The following GRK7 variants were observed in gnomAD, a reference collection of about 807,000 sequenced individuals.
GRK7 encodes G protein-coupled receptor kinase 7.
GRK7 carries 24 observed loss-of-function variants against 34.1 expected under a neutral mutation model. That is an observed-to-expected ratio of 0.70 (90% CI 0.51 to 0.99). The LOEUF is 0.99. GRK7 is among the 50% of genes least tolerant of loss of function. The pLI, the probability that GRK7 is intolerant of heterozygous loss-of-function variation, is 0.00. For synonymous variants in GRK7, 256 were observed against 279.4 expected, an observed-to-expected ratio of 0.92 and a Z score of 0.84; for missense variants, 644 against 707.3, an observed-to-expected ratio of 0.91 and a Z score of 1.02.
At chr3:141,785,057 T>G (rs1461150032) in intron 4 of GRK7, among the ~76,000 whole-genome samples, 1 of 152,200 alleles carries the variant, frequency 6.6e-6, no homozygotes, top group Non-Finnish European at 1.5e-5. Flanking sequence ...TATAAAATAC[T>G]TTCCTTATAA....
intron 2 of GRK7, among the ~76,000 whole-genome samples, chr3:141,775,857 T>C (rs2084636421): frequency 6.6e-6 from 1 of 152,200 alleles, no homozygotes; most frequent in Non-Finnish European, 1.5e-5. Context: ...CTTCATATTT[T>C]CTACTGGGCA....
chr3:141,753,502 C>T, the GRK7 span, among the ~76,000 whole-genome samples: 1 of 152,154 alleles, frequency 6.6e-6, no homozygotes, highest in Non-Finnish European at 1.5e-5. Flanking sequence ...ATAAGGAGCG[C>T]CCAACCTAGA....
chr3:141,754,664 T>C, the GRK7 span, among the ~76,000 whole-genome samples: 1 of 152,116 alleles, frequency 6.6e-6, no homozygotes, highest in African/African-American at 2.4e-5. Flanking sequence ...GATGAAGCTT[T>C]TGGTTTTCCA....
chr3:141,784,265 G>C (rs1241396849), intron 4 of GRK7, among the ~76,000 whole-genome samples: 1 of 152,202 alleles, frequency 6.6e-6, no homozygotes, highest in African/African-American at 2.4e-5. Context: ...CCGCTACCAG[G>C]AACGTACTTA....
chr3:141,817,190 G>A lies in GRK7; in HGVS notation c.*140G>A. ...ACAAAACAATTCAAAAGACAGGCAAGCTCACTACTAGAACACATTTTATTT... is the reference window on the plus strand; with the variant it reads ...ACAAAACAATTCAAAAGACAGGCAAACTCACTACTAGAACACATTTTATTT... On this transcript the variant is annotated 3_prime_UTR_variant, in exon 6 of 6. Coordinates refer to ENST00000682958, the MANE Select transcript of GRK7 (RefSeq NM_139209.3). 1 of 614,728 alleles carries A rather than the reference G, an allele frequency of 1.6e-6. No individual in the cohort carries two copies. The highest frequency in any genetic ancestry group is 2.8e-6 in the Non-Finnish European group (1 of 358,582). 38.1% of individuals were successfully genotyped at this position (614,728 alleles called of 1,614,324 possible). A position where few individuals can be genotyped will look rare whatever the true frequency, so the allele number is the denominator to read the frequency against.
chr3:141,785,783 TTTAAAC>T (rs57449127), intron 4 of GRK7, among the ~76,000 whole-genome samples: 10,042 of 150,398 alleles, frequency 0.067, 1,119 homozygotes, highest in African/African-American at 0.23. Context: ...AAAAAATTGT[TTTAAAC>T]TTAGCCAGGT....
chr3:141,810,507 A>C (rs1261720368), intron 5 of GRK7, among the ~76,000 whole-genome samples: 2 of 151,934 alleles, frequency 1.3e-5, no homozygotes, highest in Non-Finnish European at 2.9e-5. Flanking sequence ...AGACCTACAA[A>C]TTATTTATTA....
intron 4 of GRK7, among the ~76,000 whole-genome samples, chr3:141,786,726 C>G (rs931683874): frequency 2.7e-5 from 4 of 150,718 alleles, no homozygotes; most frequent in Admixed American, 2.6e-4. Flanking sequence ...TGCAGTAAGC[C>G]AAGATCACGC....
chr3:141,809,560 T>A (rs751545592), intron 5 of GRK7, among the ~76,000 whole-genome samples: 42 of 151,830 alleles, frequency 2.8e-4, no homozygotes, highest in Non-Finnish European at 5.4e-4. Flanking sequence ...TAGCCAGGTG[T>A]AGAAGTGCAT....
intron 4 of GRK7, among the ~76,000 whole-genome samples, chr3:141,795,321 G>C (rs199778553): frequency 1.3e-5 from 2 of 151,976 alleles, no homozygotes; most frequent in Non-Finnish European, 2.9e-5. Flanking sequence ...GTGGGTAGAG[G>C]CAGGGATACT....
rs992269093 is a variant in GRK7 at position 141,818,929 on chromosome 3, G to A, written c.*1879G>A. On this transcript the variant is annotated 3_prime_UTR_variant, in exon 6 of 6. Transcript: ENST00000682958. ...TTGAGGCCTCGGCCGGTGCACCTGC[G>A]GCTCACTTTCCCGCTCCTCCTCCAT... is the stretch of plus-strand genomic sequence containing the variant. Among the ~76,000 whole-genome samples, 14 of 152,296 alleles carry A rather than the reference G, an allele frequency of 9.2e-5. No homozygotes were observed. The highest frequency in any genetic ancestry group is 2.1e-4 in the South Asian group (1 of 4,818).
At chr3:141,800,313 T>A (rs1559845903) in intron 4 of GRK7, among the ~76,000 whole-genome samples, 1 of 149,542 alleles carries the variant, frequency 6.7e-6, no homozygotes, top group East Asian at 2.0e-4. Context: ...TCCACATAGC[T>A]TATAGTCAGC....
chr3:141,774,221 C>A (rs7652454), intron 1 of GRK7, among the ~76,000 whole-genome samples: 1 of 151,872 alleles, frequency 6.6e-6, no homozygotes, highest in East Asian at 1.9e-4. Flanking sequence ...TTACATGAGG[C>A]CAGGAGTTCG....
At chr3:141,779,409 C>A (rs77801007) in intron 3 of GRK7, among the ~76,000 whole-genome samples, 334 of 96,322 alleles carry the variant, frequency 3.5e-3, no homozygotes, top group South Asian at 4.4e-3. Context: ...GAGCAAGACT[C>A]AAAAAAAAAA....
intron 4 of GRK7, among the ~76,000 whole-genome samples, chr3:141,792,954 G>C (rs1016438699): frequency 6.6e-6 from 1 of 152,170 alleles, no homozygotes; most frequent in Admixed American, 6.5e-5. Flanking sequence ...AGAGCTTCCT[G>C]ATAGCCAATC....
chr3:141,762,453 G>A (rs1422959286), upstream of GRK7, among the ~76,000 whole-genome samples: 8 of 149,010 alleles, frequency 5.4e-5, no homozygotes, highest in South Asian at 9.1e-4. Flanking sequence ...GGACCCACTT[G>A]AGGAGGCAGT....
chr3:141,802,899 A>T (rs1283970990), intron 4 of GRK7, among the ~76,000 whole-genome samples: 1 of 152,066 alleles, frequency 6.6e-6, no homozygotes, highest in Non-Finnish European at 1.5e-5. Flanking sequence ...ATGAACCAGC[A>T]GCCAGCTGGG....
intron 4 of GRK7, among the ~76,000 whole-genome samples, chr3:141,803,599 G>C (rs1425979335): frequency 1.3e-5 from 2 of 152,064 alleles, no homozygotes; most frequent in Admixed American, 1.3e-4. Context: ...CTATGGAATT[G>C]CCTATATTAG....
intron 4 of GRK7, among the ~76,000 whole-genome samples, chr3:141,789,521 C>T (rs567501214): frequency 6.6e-6 from 1 of 152,252 alleles, no homozygotes; most frequent in Non-Finnish European, 1.5e-5. Flanking sequence ...TCCCATTGGC[C>T]GAGACTAGAT....
Sources: gnomAD v4.1 joint callset for allele counts (sites outside exome capture counted in the v4.1 genomes callset) on GRCh38, gnomAD v4.1.1 for gene constraint, MANE v1.5 for transcripts, NCBI Gene and HGNC (gene_info 2026-07-23, HGNC 2026-07-21) for gene names.